ZFP37: variants seen among roughly 807,000 people sequenced by gnomAD.
ZFP37 encodes the protein ZFP37 zinc finger protein.
ZFP37 carries 38 observed loss-of-function variants against 52.1 expected under a neutral mutation model. The observed-to-expected ratio is 0.73, with a 90% CI of 0.56 to 0.96. ZFP37 has a LOEUF of 0.96. ZFP37 is among the 40% of genes least tolerant of loss of function. The pLI is 0.00. For missense variants in ZFP37, 695 were observed against 741.4 expected, an observed-to-expected ratio of 0.94 and a Z score of 0.73; for synonymous variants, 253 against 259.5, an observed-to-expected ratio of 0.98 and a Z score of 0.24.
rs1356143024 is a variant in ZFP37, at chr9:113,056,676, T to C, written c.13A>G (p.Ser5Gly). The part of the protein sequence containing the change: MSVS[S>G]GVQILTKPET... ...GGCTTTGTCAGAATCTGGACGCCGC[T>C]GGAGACCGACATGGCGGCTACCCGG... The change falls in exon 1 of 4, where the codon AGC becomes GGC. Residue 5 changes from serine (S) to glycine (G), a missense_variant. Ser to Gly is a moderately conservative substitution (Grantham distance 56). Around this residue, in one of 2 missense-constraint regions of ZFP37, gnomAD observed 369 missense variants for 340.9 expected, o/e 1.08. Transcript: ENST00000374227. 6.2e-7 allele frequency: 1 copy of C among 1,612,946 alleles called. No homozygotes were observed. The highest frequency in any genetic ancestry group is 8.5e-7 in the Non-Finnish European group (1 of 1,179,538).
chr9:113,040,072 A>G lies in ZFP37; in HGVS notation c.*2653T>C, dbSNP rs1421917795. On this transcript the variant is annotated 3_prime_UTR_variant, in exon 4 of 4. Coordinates refer to ENST00000374227, the MANE Select transcript of ZFP37 (RefSeq NM_003408.3). ...CACACTAGAGTTTACGTATCGATTC[A>G]GACTTACCACTGTGTGTCTGTTTTC... The G allele has an allele frequency of 6.6e-6, 1 of 152,238 alleles. No individual in the cohort carries two copies. Among genetic ancestry groups the G allele is most frequent in the Non-Finnish European group, 1.5e-5 (1 of 68,038 alleles). 9.4% of individuals were successfully genotyped at this position (152,238 alleles called of 1,614,324 possible). A position where few individuals can be genotyped will look rare whatever the true frequency, so the allele number is the denominator to read the frequency against.
At chr9:113,049,685 G>A (rs943242725) in intron 2 of ZFP37, 106 bp downstream of exon 2, 19 of 1,493,372 alleles carry the variant, frequency 1.3e-5, no homozygotes, top group Non-Finnish European at 1.6e-5. Context: ...ACCCAAAAAA[G>A]AAGAAAGCCC....
In ZFP37 at chr9:113,040,548, A is replaced by G. The variant is rs1190822828; in HGVS notation, c.*2177T>C. ...TACACGAACACATATTCCATTCTCAATATATTATATTAACACATTATAATT... is the reference window on the plus strand; with the variant it reads ...TACACGAACACATATTCCATTCTCAGTATATTATATTAACACATTATAATT... On this transcript the variant is annotated 3_prime_UTR_variant, in exon 4 of 4. Coordinates refer to ENST00000374227, the MANE Select transcript of ZFP37 (RefSeq NM_003408.3). 1.3e-5 allele frequency: 2 copies of G among 152,244 alleles called. No homozygotes were observed. The highest frequency in any genetic ancestry group is 2.9e-5 in the Non-Finnish European group (2 of 68,038). The allele number at this position is 152,244 out of a possible 1,614,324, so 9.4% of individuals were successfully genotyped here. A position where few individuals can be genotyped will look rare whatever the true frequency, so the allele number is the denominator to read the frequency against.
chr9:113,050,943 G>A (rs1441633815), intron 1 of ZFP37, among the ~76,000 whole-genome samples: 1 of 151,948 alleles, frequency 6.6e-6, no homozygotes, highest in Non-Finnish European at 1.5e-5. Context: ...GATATTGTAG[G>A]CATGTAAGAA....
At chr9:113,048,547 G>A (rs1178247181) in intron 3 of ZFP37, among the ~76,000 whole-genome samples, 1 of 152,150 alleles carries the variant, frequency 6.6e-6, no homozygotes, top group African/African-American at 2.4e-5. Context: ...TGAAGACTGA[G>A]CAATTGAGCA....
chr9:113,046,141 T>C (rs966999844), intron 3 of ZFP37, among the ~76,000 whole-genome samples: 1 of 150,380 alleles, frequency 6.6e-6, no homozygotes, highest in Non-Finnish European at 1.5e-5. Context: ...TATATATCTG[T>C]CTATATATAT....
chr9:113,056,608 C>T lies in ZFP37; in HGVS notation c.81G>A (p.Glu27=). 6.2e-7 allele frequency: 1 copy of T among 1,614,034 alleles called. No individual in the cohort carries two copies. The highest frequency in any genetic ancestry group is 8.5e-7 in the Non-Finnish European group (1 of 1,180,034). ...DRRRSAETTK[E]AGRPLEMAVS... is the part of the protein sequence containing the mutation. ...CAGCCATCTCCAGTGGTCGCCCGGC[C>T]TCTTTGGTCGTTTCCGCACTTCTCC... is the stretch of plus-strand genomic sequence containing the variant. The change falls in exon 1 of 4, where the codon GAG becomes GAA. Residue 27 remains glutamate (E), a synonymous_variant. Coordinates refer to ENST00000374227, the MANE Select transcript of ZFP37 (RefSeq NM_003408.3).
In ZFP37 at chr9:113,049,488, C is replaced by A; in HGVS notation, c.223G>T (p.Ala75Ser). Residue 75 changes from alanine (A) to serine (S), a missense_variant, in exon 3 of 4, where the codon GCT becomes TCT. Transcript: ENST00000374227. ...YCNQASMGCQ[A>S]PKPDMISKLE... is the part of the protein sequence containing the mutation. ...TTGGAGATCATGTCTGGTTTGGGAG[C>A]TTGACACCCTGCTCATGAGAAATAG... is the stretch of plus-strand genomic sequence containing the variant. 6.2e-7 allele frequency: 1 copy of A among 1,612,714 alleles called. No individual in the cohort carries two copies. The highest frequency in any genetic ancestry group is 8.5e-7 in the Non-Finnish European group (1 of 1,179,196).
At chr9:113,049,930 AT>A in intron 1 of ZFP37, 58 bp from the exon 2 acceptor site, 2 of 1,610,446 alleles carry the variant, frequency 1.2e-6, no homozygotes, top group Non-Finnish European at 1.7e-6. Context: ...GTGATAGCAT[AT>A]TCCTGTTCAT....
rs912616800 is a variant in ZFP37, at chr9:113,040,278, C to T, written c.*2447G>A. 5.3e-5 allele frequency: 8 copies of T among 152,228 alleles called. No homozygotes were observed. 9.4% of individuals were successfully genotyped at this position (152,228 alleles called of 1,614,324 possible). A position where few individuals can be genotyped will look rare whatever the true frequency, so the allele number is the denominator to read the frequency against. On this transcript the variant is annotated 3_prime_UTR_variant, in exon 4 of 4. Coordinates refer to ENST00000374227, the MANE Select transcript of ZFP37 (RefSeq NM_003408.3). ...GGGTTCCCCAAGACATGTGGAAATT[C>T]AACATAGCCATAACCTGCAACTGTT...
chr9:113,046,056 ATAT>A (rs1828943748), intron 3 of ZFP37, among the ~76,000 whole-genome samples: 1 of 151,960 alleles, frequency 6.6e-6, no homozygotes, highest in Non-Finnish European at 1.5e-5. Flanking sequence ...TAGAAAGGAA[ATAT>A]TATTACTTTT....
At chr9:113,045,453 T>C (rs974285670) in intron 3 of ZFP37, among the ~76,000 whole-genome samples, 1 of 152,232 alleles carries the variant, frequency 6.6e-6, no homozygotes, top group African/African-American at 2.4e-5. Flanking sequence ...AATAGTTTGC[T>C]ATGGAATATA....
rs1439938159 is a variant in ZFP37 at position 113,042,645 on chromosome 9, T to C, written c.*80A>G. The C allele has an allele frequency of 3.1e-6, 4 of 1,288,710 alleles. No individual in the cohort carries two copies. The highest frequency in any genetic ancestry group is 4.2e-6 in the Non-Finnish European group (4 of 954,118). 79.8% of individuals were successfully genotyped at this position (1,288,710 alleles called of 1,614,324 possible). A position where few individuals can be genotyped will look rare whatever the true frequency, so the allele number is the denominator to read the frequency against. ...AAGGTGTGACATCTTGCTAAAGGCT[T>C]TCTAACACTCTTTAAAATCAGCATA... is the stretch of plus-strand genomic sequence containing the variant. On this transcript the variant is annotated 3_prime_UTR_variant, in exon 4 of 4. Transcript: ENST00000374227.
chr9:113,040,718 G>T lies in ZFP37; in HGVS notation c.*2007C>A, dbSNP rs1218452082. 1 of 152,104 alleles carries T rather than the reference G, an allele frequency of 6.6e-6. No individual in the cohort carries two copies. The highest frequency in any genetic ancestry group is 1.5e-5 in the Non-Finnish European group (1 of 68,006). The allele number at this position is 152,104 out of a possible 1,614,324, so 9.4% of individuals were successfully genotyped here. Reference sequence around the variant, plus strand: ...TACTCAACAGGATTGAACATGACTAGACAAGTCCCGATTACTGCTCATATG... The same window carrying T: ...TACTCAACAGGATTGAACATGACTATACAAGTCCCGATTACTGCTCATATG... On this transcript the variant is annotated 3_prime_UTR_variant, in exon 4 of 4. Coordinates refer to ENST00000374227, the MANE Select transcript of ZFP37 (RefSeq NM_003408.3).
At chr9:113,051,286 G>A (rs550913975) in intron 1 of ZFP37, among the ~76,000 whole-genome samples, 1 of 152,226 alleles carries the variant, frequency 6.6e-6, no homozygotes, top group African/African-American at 2.4e-5. Flanking sequence ...GTGGGAGTAG[G>A]GAAGAAATTA....
Position 113,056,657 on chromosome 9 carries a change from G to C in ZFP37, c.32C>G (p.Thr11Arg), listed in dbSNP as rs146793085. The change falls in exon 1 of 4, where the codon ACA becomes AGA. Residue 11 changes from threonine to arginine, a missense_variant. Around this residue, in one of 2 missense-constraint regions of ZFP37, gnomAD observed 369 missense variants for 340.9 expected, o/e 1.08. Coordinates refer to ENST00000374227, the MANE Select transcript of ZFP37 (RefSeq NM_003408.3). Reference protein sequence around the residue: MSVSSGVQILTKPETVDRRRS... With the variant: MSVSSGVQILRKPETVDRRRS... ...CCTCCGGTCCACGGTCTCTGGCTTT[G>C]TCAGAATCTGGACGCCGCTGGAGAC... 5.3e-5 allele frequency: 86 copies of C among 1,613,652 alleles called. No individual in the cohort carries two copies. The highest frequency in any genetic ancestry group is 6.4e-5 in the Non-Finnish European group (75 of 1,179,910).
intron 3 of ZFP37, 94 bp downstream of exon 3, chr9:113,049,268 T>C (rs2118705604): frequency 2.2e-6 from 3 of 1,357,188 alleles, no homozygotes; most frequent in Non-Finnish European, 3.0e-6. Flanking sequence ...ATTTTTTCTA[T>C]TGCTATTTTC....
Position 113,043,597 on chromosome 9 carries a change from T to C in ZFP37, c.1021A>G (p.Arg341Gly). ...SQKSHLVVHQ[R>G]THTGEKPYEC... ...TATGGTTTTTCTCCGGTGTGAGTTC[T>C]CTGATGTACAACAAGGTGTGACTTT... The change falls in exon 4 of 4, where the codon AGA becomes GGA. Residue 341 changes from arginine (R) to glycine (G), a missense_variant. Physicochemically the swap from Arg to Gly is moderately radical, Grantham distance 125. This residue lies in a region of ZFP37 where 326 missense variants were observed against 400.5 expected (regional missense o/e 0.81). Transcript: ENST00000374227. 1 of 1,614,096 alleles carries C rather than the reference T, an allele frequency of 6.2e-7. No individual in the cohort carries two copies. The highest frequency in any genetic ancestry group is 8.5e-7 in the Non-Finnish European group (1 of 1,179,960).
At chr9:113,049,939 C>A in intron 1 of ZFP37, 67 bp from the exon 2 acceptor site, 1 of 1,607,450 alleles carries the variant, frequency 6.2e-7, no homozygotes, top group South Asian at 1.1e-5. Context: ...TATTCCTGTT[C>A]ATGCTAATGT....
Sources: allele counts gnomAD v4.1 joint callset (sites outside exome capture counted in the v4.1 genomes callset), GRCh38; gene constraint gnomAD v4.1.1; regional missense constraint gnomAD v4.1.1; transcripts MANE v1.5; gene names NCBI Gene and HGNC (gene_info 2026-07-23, HGNC 2026-07-21).